The following NEURL1 variants were observed in gnomAD, a reference collection of about 807,000 sequenced individuals.
The protein encoded by NEURL1 is E3 ubiquitin-protein ligase NEURL1.
In NEURL1, 26 loss-of-function variants were observed where a neutral mutation model predicts 41.2. That is an observed-to-expected ratio of 0.63 (90% CI 0.46 to 0.87). The LOEUF is 0.87. NEURL1 is among the 40% of genes least tolerant of loss of function. The pLI, the probability that NEURL1 is intolerant of heterozygous loss-of-function variation, is 0.00. For synonymous variants in NEURL1, 400 were observed against 402.3 expected (o/e 0.99, Z 0.07); for missense variants, 761 against 871.1 (o/e 0.87, Z 1.59).
rs561119635 is a variant in NEURL1 at position 103,568,052 on chromosome 10, C to T, written c.86-2820C>T. ...TCTCAGGGATACGGGAGAGGATGAA[C>T]GGCCTAGGGTTGGGATTACTTTCGC... On this transcript the variant is annotated intron_variant, in intron 1 of 5. Transcript: ENST00000369780. 1.0e-3 allele frequency among the ~76,000 whole-genome samples: 157 copies of T among 152,252 alleles called. 2 individuals carry two copies. The highest frequency in any genetic ancestry group is 3.7e-3 in the African/African-American group (154 of 41,552).
At chr10:103,509,440 GC>G (rs2034022103) in intron 1 of NEURL1, among the ~76,000 whole-genome samples, 1 of 152,100 alleles carries the variant, frequency 6.6e-6, no homozygotes, top group Non-Finnish European at 1.5e-5. Context: ...AACCTATATA[GC>G]ATTACTGTGC....
At chr10:103,514,492 G>C (rs570772297) in intron 1 of NEURL1, among the ~76,000 whole-genome samples, 1 of 152,168 alleles carries the variant, frequency 6.6e-6, no homozygotes, top group South Asian at 2.1e-4. Context: ...CCCCAGCCTG[G>C]GCCATCTGCC....
chr10:103,499,928 C>T (rs1374280536), intron 1 of NEURL1, among the ~76,000 whole-genome samples: 1 of 152,252 alleles, frequency 6.6e-6, no homozygotes, highest in Non-Finnish European at 1.5e-5. Flanking sequence ...TTCCCCGCTT[C>T]AGTCACCATA....
chr10:103,511,336 G>A (rs2034065135), intron 1 of NEURL1, among the ~76,000 whole-genome samples: 1 of 152,214 alleles, frequency 6.6e-6, no homozygotes, highest in African/African-American at 2.4e-5. Flanking sequence ...GAGAGGCTGA[G>A]AGGCCTGGGG....
chr10:103,527,009 C>A (rs1336872914), intron 1 of NEURL1, among the ~76,000 whole-genome samples: 1 of 151,804 alleles, frequency 6.6e-6, no homozygotes, highest in Non-Finnish European at 1.5e-5. Flanking sequence ...CAGAGCAGCC[C>A]TGAGGGCTCC....
chr10:103,517,157 G>C (rs902167470), intron 1 of NEURL1, among the ~76,000 whole-genome samples: 6 of 152,152 alleles, frequency 3.9e-5, no homozygotes, highest in Non-Finnish European at 1.5e-5. Context: ...CTCCTGAGTA[G>C]CTGGGACTAC....
chr10:103,548,122 A>G (rs1262973944), intron 1 of NEURL1, among the ~76,000 whole-genome samples: 1 of 152,160 alleles, frequency 6.6e-6, no homozygotes, highest in African/African-American at 2.4e-5. Flanking sequence ...ATGCAGCACT[A>G]ACCAGGTGAT....
In NEURL1 at chr10:103,508,439, G is replaced by A. The variant is rs753454264; in HGVS notation, c.85+13967G>A. On this transcript the variant is annotated intron_variant, in intron 1 of 5. Transcript: ENST00000369780. This position sits in a 1 kb window ranked among gnomAD's most constrained non-coding sequence, Gnocchi z 4.3. Reference sequence around the variant, plus strand: ...CTAGGACCTCTTTCTGTCTCTGAGCGCCCTGACTTCTCTTCCAGCCCCGAG... The same window carrying A: ...CTAGGACCTCTTTCTGTCTCTGAGCACCCTGACTTCTCTTCCAGCCCCGAG... 2.6e-5 allele frequency among the ~76,000 whole-genome samples: 4 copies of A among 152,136 alleles called. No homozygotes were observed. Among genetic ancestry groups the A allele is most frequent in the Admixed American group, 6.5e-5 (1 of 15,268 alleles).
At chr10:103,585,857 C>T (rs1296984918) in intron 4 of NEURL1, among the ~76,000 whole-genome samples, 2 of 151,478 alleles carry the variant, frequency 1.3e-5, no homozygotes, top group East Asian at 3.9e-4. Context: ...AAAAAGGTTT[C>T]CCCCAGCAGT....
chr10:103,517,924 C>T lies in NEURL1; in HGVS notation c.85+23452C>T, dbSNP rs146386410. On this transcript the variant is annotated intron_variant, in intron 1 of 5. Transcript: ENST00000369780. ...CTCCCGTGGGCCTCACCGCAGTGTG[C>T]CTCAGTGACATCCCCTTTTCACCGA... Among the ~76,000 whole-genome samples the T allele has an allele frequency of 8.1e-3, 1,237 of 152,336 alleles. 13 individuals are homozygous for T. The highest frequency in any genetic ancestry group is 0.028 in the African/African-American group (1,165 of 41,578).
At chr10:103,497,417 C>G (rs2033711282) in intron 1 of NEURL1, among the ~76,000 whole-genome samples, 1 of 152,250 alleles carries the variant, frequency 6.6e-6, no homozygotes, top group South Asian at 2.1e-4. Context: ...GGTGGAGTGA[C>G]TGTCTTGATT....
At chr10:103,561,825 T>C (rs1307695670) in intron 1 of NEURL1, among the ~76,000 whole-genome samples, 1 of 152,224 alleles carries the variant, frequency 6.6e-6, no homozygotes, top group Non-Finnish European at 1.5e-5. Context: ...TTTCTACTGC[T>C]GGCAAGTGAG....
chr10:103,533,375 C>CT (rs1056104792), intron 1 of NEURL1, among the ~76,000 whole-genome samples: 418 of 140,788 alleles, frequency 3.0e-3, no homozygotes, highest in African/African-American at 8.9e-3. Context: ...TTTTTCTTTT[C>CT]TTTTTTTTTT....
intron 1 of NEURL1, among the ~76,000 whole-genome samples, chr10:103,570,187 G>A (rs1479073553): frequency 6.6e-6 from 1 of 152,146 alleles, no homozygotes; most frequent in Non-Finnish European, 1.5e-5. Context: ...GTTTCCCCAC[G>A]ATGACAGGAT....
chr10:103,501,676 A>C (rs2033828613), intron 1 of NEURL1, among the ~76,000 whole-genome samples: 1 of 137,590 alleles, frequency 7.3e-6, no homozygotes, highest in Admixed American at 7.5e-5. Context: ...CTTGTCACCC[A>C]GGCTGGAGTG....
At position 103,590,539 on chromosome 10, in the gene NEURL1, C is replaced by T. The variant is rs1432689454; in HGVS notation, c.*167C>T. The T allele has an allele frequency of 9.7e-6, 6 of 621,198 alleles. No individual in the cohort carries two copies. The South Asian group carries it at 1.2e-4, about 12-fold the overall frequency. 38.5% of individuals were successfully genotyped at this position (621,198 alleles called of 1,614,324 possible). A position where few individuals can be genotyped will look rare whatever the true frequency, so the allele number is the denominator to read the frequency against. On this transcript the variant is annotated 3_prime_UTR_variant, in exon 6 of 6. Coordinates refer to ENST00000369780, the MANE Select transcript of NEURL1 (RefSeq NM_004210.5). ...TGAAGGTTTGGGGAGAGGGGGGTAT[C>T]AGGCAGGGAGGGGGCAGAGGCAAAT...
chr10:103,526,743 G>A (rs554610598), intron 1 of NEURL1, among the ~76,000 whole-genome samples: 55 of 152,018 alleles, frequency 3.6e-4, no homozygotes, highest in South Asian at 1.5e-3. Flanking sequence ...AACTCCTGAC[G>A]TCATGATCCA....
Position 103,558,382 on chromosome 10 carries a change from T to G in NEURL1, c.86-12490T>G. ...TGTCAACAGATGTGTATCTGTGTTT[T>G]AGATCTCTGTGTACCTGTGTGATGT... On this transcript the variant is annotated intron_variant, in intron 1 of 5. Coordinates refer to ENST00000369780, the MANE Select transcript of NEURL1 (RefSeq NM_004210.5). This position sits in a 1 kb window ranked among gnomAD's most constrained non-coding sequence, Gnocchi z 4.2. 1.5e-5 allele frequency: 5 copies of G among 336,738 alleles called. No homozygotes were observed. Among genetic ancestry groups the G allele is most frequent in the Non-Finnish European group, 1.7e-5 (4 of 236,924 alleles). 20.9% of individuals were successfully genotyped at this position (336,738 alleles called of 1,614,324 possible). A position where few individuals can be genotyped will look rare whatever the true frequency, so the allele number is the denominator to read the frequency against.
chr10:103,547,428 C>G (rs1267674898), intron 1 of NEURL1, among the ~76,000 whole-genome samples: 2 of 152,230 alleles, frequency 1.3e-5, no homozygotes, highest in Non-Finnish European at 2.9e-5. Context: ...GAGTCAGAGG[C>G]CCCAGGAGGG....
Sources: allele counts gnomAD v4.1 joint callset (sites outside exome capture counted in the v4.1 genomes callset), GRCh38; gene constraint gnomAD v4.1.1; non-coding constraint Gnocchi (gnomAD v3.1); transcripts MANE v1.5; gene names NCBI Gene and HGNC (gene_info 2026-07-23, HGNC 2026-07-21).